The following KCNJ16 variants were observed in gnomAD, a reference collection of about 807,000 sequenced individuals.
KCNJ16 encodes the protein inward rectifier potassium channel 16.
Under a neutral mutation model 18.5 loss-of-function variants are expected in KCNJ16, and 15 were observed. The ratio of observed to expected loss-of-function variants is 0.81; its 90% confidence interval spans 0.54 to 1.25. The LOEUF is 1.25. Among genes scored for constraint, KCNJ16 ranks in the 50% most tolerant of loss-of-function variants. The pLI, the probability that KCNJ16 is intolerant of heterozygous loss-of-function variation, is 0.00. For missense variants in KCNJ16, 523 were observed against 525.7 expected (o/e 0.99, Z 0.05); for synonymous variants, 174 against 186.5 (o/e 0.93, Z 0.55).
chr17:70,110,553 G>A (rs1383026744), intron 2 of KCNJ16, among the ~76,000 whole-genome samples: 1 of 152,076 alleles, frequency 6.6e-6, no homozygotes, highest in Non-Finnish European at 1.5e-5. Context: ...TCTTCAGTAA[G>A]AGTCCAGCTT....
At chr17:70,097,447 A>G (rs960644204) in intron 1 of KCNJ16, among the ~76,000 whole-genome samples, 7 of 152,186 alleles carry the variant, frequency 4.6e-5, no homozygotes, top group African/African-American at 1.7e-4. Context: ...TTCAGTAGAA[A>G]TTAGAGGAGG....
intron 2 of KCNJ16, among the ~76,000 whole-genome samples, chr17:70,115,027 G>A (rs527767917): frequency 3.3e-5 from 5 of 152,092 alleles, no homozygotes; most frequent in African/African-American, 9.7e-5. Flanking sequence ...GCTCAAAGAC[G>A]TCGATTAGTT....
chr17:70,122,025 T>A (rs2073661096), intron 2 of KCNJ16, among the ~76,000 whole-genome samples: 1 of 152,184 alleles, frequency 6.6e-6, no homozygotes, highest in Non-Finnish European at 1.5e-5. Flanking sequence ...CTTAGGAAGT[T>A]GTTGCCATGG....
intron 2 of KCNJ16, among the ~76,000 whole-genome samples, chr17:70,124,424 TA>T (rs541721911): frequency 2.2e-3 from 333 of 151,628 alleles, no homozygotes; most frequent in African/African-American, 7.4e-3. Context: ...ACTCATTTTT[TA>T]AAAAAAAACT....
chr17:70,077,672 GTGTT>G lies in KCNJ16; in HGVS notation c.-300+2284_-300+2287del, dbSNP rs764493353. On this transcript the variant is annotated intron_variant, in intron 1 of 3. Transcript: ENST00000392671. Reference sequence around the variant, plus strand: ...CAAATGCCTCTTTCCTGGTTAGGCTGTGTTTTTTTTTTTTGTTTGTTTGTTTTTT... The same window carrying G: ...CAAATGCCTCTTTCCTGGTTAGGCTGTTTTTTTTTTGTTTGTTTGTTTTTT... 3.0e-4 allele frequency among the ~76,000 whole-genome samples: 11 copies of G among 37,122 alleles called. No individual in the cohort carries two copies. The Middle Eastern group carries it at 0.073, about 245-fold the overall frequency. The allele number at this position is 37,122 out of a possible 152,430, so 24.4% of individuals were successfully genotyped here.
rs560820732 is a variant in KCNJ16 at position 70,105,089 on chromosome 17, G to A, written c.-191+4323G>A. 2.6e-5 allele frequency: 4 copies of A among 152,590 alleles called. No homozygotes were observed. The South Asian group carries it at 8.3e-4, about 32-fold the overall frequency. The allele number at this position is 152,590 out of a possible 1,614,324, so 9.5% of individuals were successfully genotyped here. A position where few individuals can be genotyped will look rare whatever the true frequency, so the allele number is the denominator to read the frequency against. On this transcript the variant is annotated intron_variant, in intron 2 of 3. Transcript: ENST00000392671. The stretch of plus-strand genomic sequence containing the variant: ...TCTTTCACTAAGGTAAGATCGTGTT[G>A]TGGATTAAAAGTGTTCCAAGCTTGA...
intron 1 of KCNJ16, among the ~76,000 whole-genome samples, chr17:70,092,553 GAT>G (rs1567782556): frequency 2.9e-5 from 2 of 67,852 alleles, no homozygotes; most frequent in Middle Eastern, 7.4e-3. Flanking sequence ...GATAGATATA[GAT>G]AGATGATAGA....
At chr17:70,105,159 A>G (rs1458793134) in intron 2 of KCNJ16, 3 of 152,184 alleles carry the variant, frequency 2.0e-5, no homozygotes, top group Admixed American at 1.3e-4. Flanking sequence ...TTTTGCATGT[A>G]TCCCCGCTAA....
In KCNJ16 at chr17:70,132,716, A is replaced by G. The variant is rs770436023; in HGVS notation, c.629A>G (p.His210Arg). Residue 210 changes from histidine (H) to arginine (R), a missense_variant, in exon 4 of 4, where the codon CAC (histidine) becomes CGC (arginine). By Grantham distance (29) the His-to-Arg change is conservative. Coordinates refer to ENST00000392671, the MANE Select transcript of KCNJ16 (RefSeq NM_170741.4). ...CGCATTGGTGATTTTCGGCCAAACC[A>G]CGTGGTAGAAGGAACAGTTAGAGCC... The part of the protein sequence containing the change: ...MWRIGDFRPN[H>R]VVEGTVRAQL... The G allele has an allele frequency of 1.2e-6, 2 of 1,614,148 alleles. No homozygotes were observed. The highest frequency in any genetic ancestry group is 1.7e-6 in the Non-Finnish European group (2 of 1,180,026).
chr17:70,107,002 T>A (rs1350132899), intron 2 of KCNJ16, among the ~76,000 whole-genome samples: 1 of 152,194 alleles, frequency 6.6e-6, no homozygotes, highest in Non-Finnish European at 1.5e-5. Context: ...CTACCATTGT[T>A]ACAGTAGCTG....
chr17:70,117,040 T>A (rs969113104), intron 2 of KCNJ16, among the ~76,000 whole-genome samples: 1 of 152,134 alleles, frequency 6.6e-6, no homozygotes, highest in Non-Finnish European at 1.5e-5. Flanking sequence ...AGCAAAGGCA[T>A]AGAATCAACC....
At chr17:70,126,402 C>T (rs922978560) in intron 2 of KCNJ16, among the ~76,000 whole-genome samples, 1 of 152,172 alleles carries the variant, frequency 6.6e-6, no homozygotes, top group African/African-American at 2.4e-5. Flanking sequence ...AAGATGGAGT[C>T]CCCCTGGTTT....
intron 1 of KCNJ16, among the ~76,000 whole-genome samples, chr17:70,097,532 T>C (rs1262773314): frequency 1.3e-5 from 2 of 152,152 alleles, no homozygotes; most frequent in Non-Finnish European, 2.9e-5. Flanking sequence ...AACATACATA[T>C]TCTATTAGAT....
intron 1 of KCNJ16, among the ~76,000 whole-genome samples, chr17:70,085,670 A>G (rs146680913): frequency 1.0e-3 from 152 of 152,288 alleles, no homozygotes; most frequent in African/African-American, 3.6e-3. Flanking sequence ...TACCACCTCA[A>G]TTCTGCTCTA....
chr17:70,097,978 T>C (rs1482462194), intron 1 of KCNJ16, among the ~76,000 whole-genome samples: 1 of 152,224 alleles, frequency 6.6e-6, no homozygotes, highest in Non-Finnish European at 1.5e-5. Context: ...GTTTTATCTT[T>C]ATGCTAATCA....
At chr17:70,128,437 G>A (rs931653721) in intron 2 of KCNJ16, among the ~76,000 whole-genome samples, 3 of 152,104 alleles carry the variant, frequency 2.0e-5, no homozygotes, top group Non-Finnish European at 4.4e-5. Context: ...CCTCCTCGTG[G>A]GATGAAGTAA....
At chr17:70,084,678 G>A (rs527679729) in intron 1 of KCNJ16, among the ~76,000 whole-genome samples, 2 of 152,188 alleles carry the variant, frequency 1.3e-5, no homozygotes, top group Non-Finnish European at 2.9e-5. Context: ...ACTAACCCCA[G>A]TCCTTTTGCT....
chr17:70,132,576 T>A lies in KCNJ16; in HGVS notation c.489T>A (p.Phe163Leu), dbSNP rs2144304754. The A allele has an allele frequency of 6.2e-7, 1 of 1,614,182 alleles. No homozygotes were observed. Among genetic ancestry groups the A allele is most frequent in the Middle Eastern group, 1.6e-4 (1 of 6,062 alleles). The change falls in exon 4 of 4, where the codon TTT becomes TTA. Residue 163 changes from phenylalanine (F) to leucine (L), a missense_variant. By Grantham distance (22) the Phe-to-Leu change is conservative. Transcript: ENST00000392671. ...TCTTAAGTTGCATCATAAATACCTT[T>A]ATCATTGGAGCTGCCTTGGCCAAAA... ...QSILSCIINTFIIGAALAKMA... is the reference protein window; with the variant it reads ...QSILSCIINTLIIGAALAKMA...
chr17:70,093,698 GT>G (rs1483537664), intron 1 of KCNJ16, among the ~76,000 whole-genome samples: 1 of 152,134 alleles, frequency 6.6e-6, no homozygotes, highest in Admixed American at 6.5e-5. Flanking sequence ...GGAGGGCTTT[GT>G]TTTCATTTTC....
Sources: gnomAD v4.1 joint callset for allele counts (sites outside exome capture counted in the v4.1 genomes callset) on GRCh38, gnomAD v4.1.1 for gene constraint, MANE v1.5 for transcripts, NCBI Gene and HGNC (gene_info 2026-07-23, HGNC 2026-07-21) for gene names.